The following SYBU variants were observed in gnomAD, a reference collection of about 807,000 sequenced individuals.
The protein encoded by SYBU is syntabulin, also known as GOLSYN A protein.
In SYBU, 21 loss-of-function variants were observed where a neutral mutation model predicts 35.9. The observed-to-expected ratio is 0.58, with a 90% CI of 0.41 to 0.84. The LOEUF is 0.84. Among genes scored for constraint, SYBU ranks in the 40% least tolerant of loss-of-function variants. The pLI, the probability that SYBU is intolerant of heterozygous loss-of-function variation, is 0.00. For synonymous variants in SYBU, 319 were observed against 324.3 expected (o/e 0.98, Z 0.18); for missense variants, 768 against 848.2 (o/e 0.91, Z 1.17).
chr8:109,673,713 G>C (rs989079699), intron 1 of SYBU, among the ~76,000 whole-genome samples: 1 of 152,172 alleles, frequency 6.6e-6, no homozygotes, highest in Non-Finnish European at 1.5e-5. Context: ...GGCTTCAGAA[G>C]GTGGGTAATG....
chr8:109,655,717 A>C (rs1005418483), intron 1 of SYBU, among the ~76,000 whole-genome samples: 1 of 152,196 alleles, frequency 6.6e-6, no homozygotes, highest in Non-Finnish European at 1.5e-5. Flanking sequence ...GTGAGAATTT[A>C]TTTTACAAGA....
intron 2 of SYBU, among the ~76,000 whole-genome samples, chr8:109,642,014 T>C (rs7825942): frequency 0.11 from 16,157 of 152,216 alleles, 2,332 homozygotes; most frequent in African/African-American, 0.33. Context: ...CGTATGTTTA[T>C]TGCAGCACTG....
intron 1 of SYBU, among the ~76,000 whole-genome samples, chr8:109,679,880 A>G (rs926053631): frequency 6.6e-6 from 1 of 152,238 alleles, no homozygotes; most frequent in Non-Finnish European, 1.5e-5. Flanking sequence ...TAAGAAAAAT[A>G]GCTGTATTTA....
At chr8:109,686,836 GA>G (rs1229851067) in intron 1 of SYBU, among the ~76,000 whole-genome samples, 1 of 152,130 alleles carries the variant, frequency 6.6e-6, no homozygotes, top group Non-Finnish European at 1.5e-5. Flanking sequence ...TATTTTCAGA[GA>G]AATAGATAAT....
At chr8:109,616,266 TCCCA>T (rs1345197238) in intron 3 of SYBU, among the ~76,000 whole-genome samples, 3 of 152,028 alleles carry the variant, frequency 2.0e-5, no homozygotes, top group Non-Finnish European at 2.9e-5. Context: ...CGCCTCAGCC[TCCCA>T]AAGTACTGGG....
At chr8:109,599,799 T>C (rs891057907) in intron 3 of SYBU, among the ~76,000 whole-genome samples, 1 of 152,204 alleles carries the variant, frequency 6.6e-6, no homozygotes, top group African/African-American at 2.4e-5. Context: ...CCAAACTCTT[T>C]AGCACGATTT....
intron 4 of SYBU, among the ~76,000 whole-genome samples, chr8:109,583,188 GT>G (rs1207511560): frequency 1.3e-5 from 2 of 152,104 alleles, no homozygotes; most frequent in African/African-American, 4.8e-5. Flanking sequence ...CTTTCACTAA[GT>G]TCTGGGCATC....
intron 3 of SYBU, among the ~76,000 whole-genome samples, chr8:109,592,191 A>G (rs1459157344): frequency 1.3e-5 from 2 of 152,210 alleles, no homozygotes; most frequent in Non-Finnish European, 1.5e-5. Context: ...TCCCTTAAAA[A>G]GACCTATAAT....
At chr8:109,640,836 AAAGT>A (rs1344400737) in intron 2 of SYBU, among the ~76,000 whole-genome samples, 6 of 151,742 alleles carry the variant, frequency 4.0e-5, no homozygotes, top group African/African-American at 1.5e-4. Context: ...AAAAAAAAAA[AAAGT>A]AGGCAGTGCA....
At chr8:109,604,613 T>A (rs1293307628) in intron 3 of SYBU, among the ~76,000 whole-genome samples, 2 of 152,206 alleles carry the variant, frequency 1.3e-5, no homozygotes, top group African/African-American at 4.8e-5. Context: ...GAGAATCTTA[T>A]CCAAAACTTG....
chr8:109,633,475 G>A (rs13267529), intron 2 of SYBU, among the ~76,000 whole-genome samples: 3 of 152,190 alleles, frequency 2.0e-5, no homozygotes, highest in Middle Eastern at 3.2e-3. Context: ...AAAAAGAGGG[G>A]ACAGTCAACC....
chr8:109,639,797 T>C lies in SYBU; in HGVS notation c.229+2931A>G, dbSNP rs188533872. Among the ~76,000 whole-genome samples, 586 of 152,308 alleles carry C rather than the reference T, an allele frequency of 3.8e-3. 3 individuals carry two copies. The highest frequency in any genetic ancestry group is 0.013 in the African/African-American group (553 of 41,574). ...GATTTCCCCCTGCTGGTTGGACATG[T>C]CTTACATTCTCTATCTCACTGCCTC... On this transcript the variant is annotated intron_variant, in intron 2 of 6. Coordinates refer to ENST00000276646, the MANE Select transcript of SYBU (RefSeq NM_001099754.2).
chr8:109,615,063 T>C (rs1481210074), intron 3 of SYBU, among the ~76,000 whole-genome samples: 1 of 152,190 alleles, frequency 6.6e-6, no homozygotes, highest in South Asian at 2.1e-4. Context: ...TTTATCTTAA[T>C]GACCAAAGGG....
rs561231100 is a variant in SYBU at position 109,658,543 on chromosome 8, C to T, written c.-129+22168G>A. On this transcript the variant is annotated intron_variant, in intron 1 of 5. Coordinates refer to the SYBU transcript ENST00000408889. ...CAAGGTATGTGAATGAAGGACCTTTCCTGCTTGAGTAGGTCAGAAGCTTCT... is the reference window on the plus strand; with the variant it reads ...CAAGGTATGTGAATGAAGGACCTTTTCTGCTTGAGTAGGTCAGAAGCTTCT... 3.0e-4 allele frequency among the ~76,000 whole-genome samples: 45 copies of T among 152,308 alleles called. 1 individual carries two copies. The highest frequency in any genetic ancestry group is 1.9e-3 in the South Asian group (9 of 4,826).
intron 4 of SYBU, 156 bp from the exon 5 acceptor site, chr8:109,580,158 C>T (rs539948401): frequency 6.1e-5 from 39 of 638,714 alleles, no homozygotes; most frequent in Non-Finnish European, 5.4e-6. Flanking sequence ...GCCTTCTTCC[C>T]ACCTGCCTGG....
chr8:109,644,354 A>T, intron 1 of SYBU: 1 of 605,300 alleles, frequency 1.7e-6, no homozygotes, highest in East Asian at 2.9e-5. Flanking sequence ...CACACACAGG[A>T]TATCAACTGA....
chr8:109,634,127 T>G (rs1337042601), intron 2 of SYBU, among the ~76,000 whole-genome samples: 1 of 152,220 alleles, frequency 6.6e-6, no homozygotes, highest in Non-Finnish European at 1.5e-5. Flanking sequence ...CACTCCTCAC[T>G]GCTCCCTAAA....
chr8:109,611,430 C>T (rs1449129587), intron 3 of SYBU, among the ~76,000 whole-genome samples: 1 of 142,426 alleles, frequency 7.0e-6, no homozygotes, highest in Admixed American at 6.9e-5. Context: ...AATATGTAAC[C>T]CTGCCATAAA....
At position 109,644,691 on chromosome 8, in the gene SYBU, C is replaced by A; in HGVS notation, c.-32G>T. The stretch of plus-strand genomic sequence containing the variant: ...GCTGCCCGCCGGCTCCTCGCGCCGC[C>A]GCTGCCGCCGTCCAGGAGGAGGCAC... On this transcript the variant is annotated 5_prime_UTR_variant, in exon 1 of 7. Coordinates refer to ENST00000276646, the MANE Select transcript of SYBU (RefSeq NM_001099754.2). The A allele has an allele frequency of 6.7e-7, 1 of 1,499,554 alleles. No individual in the cohort carries two copies. The highest frequency in any genetic ancestry group is 8.8e-7 in the Non-Finnish European group (1 of 1,131,954). The allele number at this position is 1,499,554 out of a possible 1,614,324, so 92.9% of individuals were successfully genotyped here. A position where few individuals can be genotyped will look rare whatever the true frequency, so the allele number is the denominator to read the frequency against.
Sources: gnomAD v4.1 joint callset for allele counts (sites outside exome capture counted in the v4.1 genomes callset) on GRCh38, gnomAD v4.1.1 for gene constraint, MANE v1.5 for transcripts, NCBI Gene and HGNC (gene_info 2026-07-23, HGNC 2026-07-21) for gene names.